TAF4B: variants seen among roughly 807,000 people sequenced by gnomAD.
TAF4B encodes the protein transcription initiation factor TFIID subunit 4B.
A neutral mutation model predicts 86.4 loss-of-function variants in TAF4B; 38 were observed. That is an observed-to-expected ratio of 0.44 (90% CI 0.34 to 0.58). TAF4B has a LOEUF of 0.58. Among genes scored for constraint, TAF4B ranks in the 20% least tolerant of loss-of-function variants. The pLI is 0.02. For synonymous variants in TAF4B, 388 were observed against 391.2 expected (o/e 0.99, Z 0.10); for missense variants, 988 against 1,027.6 (o/e 0.96, Z 0.53).
intron 14 of TAF4B, among the ~76,000 whole-genome samples, chr18:26,386,852 T>C (rs974947687): frequency 9.9e-5 from 15 of 152,210 alleles, no homozygotes; most frequent in Non-Finnish European, 2.1e-4. Context: ...TACATATCTT[T>C]TGATGAACCC....
intron 5 of TAF4B, 84 bp from the exon 6 acceptor site, chr18:26,281,887 A>C (rs1353183114): frequency 1.0e-6 from 1 of 979,662 alleles, no homozygotes; most frequent in South Asian, 1.6e-5. Flanking sequence ...AAAGTTTGCT[A>C]TGTCTACAAT....
chr18:26,279,100 G>A (rs181513080), intron 5 of TAF4B, among the ~76,000 whole-genome samples: 54 of 152,166 alleles, frequency 3.5e-4, no homozygotes, highest in Non-Finnish European at 6.3e-4. Flanking sequence ...CTTCACTGAT[G>A]ATATGATTCT....
At chr18:26,255,834 A>G in intron 1 of TAF4B, 1 of 1,392,808 alleles carries the variant, frequency 7.2e-7, no homozygotes, top group East Asian at 2.3e-5. Flanking sequence ...TTTATAGATG[A>G]TCCCACAACA....
At chr18:26,353,419 C>T in intron 13 of TAF4B, among the ~76,000 whole-genome samples, 1 of 152,172 alleles carries the variant, frequency 6.6e-6, no homozygotes, top group African/African-American at 2.4e-5. Flanking sequence ...TAAAAACTCT[C>T]AGGAATCTAA....
At chr18:26,245,517 A>G (rs1382457082) in intron 1 of TAF4B, among the ~76,000 whole-genome samples, 1 of 152,082 alleles carries the variant, frequency 6.6e-6, no homozygotes, top group Non-Finnish European at 1.5e-5. Context: ...TTTCTGTCCT[A>G]TCAGAGTGCC....
intron 14 of TAF4B, among the ~76,000 whole-genome samples, chr18:26,386,408 G>A (rs1342097566): frequency 6.6e-6 from 1 of 151,808 alleles, no homozygotes; most frequent in Non-Finnish European, 1.5e-5. Flanking sequence ...AGGTTTTTGG[G>A]GTAGCAATTT....
chr18:26,313,747 C>T (rs572864804), intron 9 of TAF4B, among the ~76,000 whole-genome samples: 1 of 152,154 alleles, frequency 6.6e-6, no homozygotes, highest in Non-Finnish European at 1.5e-5. Flanking sequence ...CTCACTGCAG[C>T]CTCTACCTCC....
At chr18:26,329,753 A>C (rs561945183) in intron 12 of TAF4B, among the ~76,000 whole-genome samples, 6 of 152,170 alleles carry the variant, frequency 3.9e-5, no homozygotes, top group African/African-American at 1.4e-4. Flanking sequence ...CAAAAGGGTC[A>C]TATTGGTACC....
intron 1 of TAF4B, among the ~76,000 whole-genome samples, chr18:26,227,481 C>T (rs932756930): frequency 3.9e-5 from 6 of 152,176 alleles, no homozygotes; most frequent in Admixed American, 1.3e-4. Flanking sequence ...CTAAGTGATA[C>T]AGTAAAAAGC....
intron 14 of TAF4B, among the ~76,000 whole-genome samples, chr18:26,374,853 A>C (rs1001698926): frequency 3.3e-5 from 5 of 152,230 alleles, no homozygotes; most frequent in African/African-American, 1.2e-4. Context: ...AAAAGTAAAC[A>C]TAAGTTGATT....
chr18:26,344,538 T>G (rs1373523773), intron 13 of TAF4B, among the ~76,000 whole-genome samples: 1 of 151,984 alleles, frequency 6.6e-6, no homozygotes, highest in East Asian at 1.9e-4. Context: ...GCCAACAGAG[T>G]TGCTGTAAGA....
chr18:26,259,791 A>G (rs1312133858), intron 1 of TAF4B, among the ~76,000 whole-genome samples: 3 of 152,208 alleles, frequency 2.0e-5, no homozygotes, highest in Non-Finnish European at 2.9e-5. Context: ...TCCTTTGGGT[A>G]TATACCCAGT....
intron 1 of TAF4B, among the ~76,000 whole-genome samples, chr18:26,244,708 C>G (rs1158967422): frequency 1.3e-5 from 2 of 152,084 alleles, no homozygotes; most frequent in African/African-American, 2.4e-5. Flanking sequence ...TGGAACCTCC[C>G]CCCGAAATTT....
chr18:26,287,921 C>T (rs1209498031), intron 7 of TAF4B, among the ~76,000 whole-genome samples: 1 of 152,202 alleles, frequency 6.6e-6, no homozygotes, highest in Non-Finnish European at 1.5e-5. Context: ...TTTCTCATCC[C>T]TTCCCACTCT....
chr18:26,283,004 C>T (rs970859608), intron 6 of TAF4B, among the ~76,000 whole-genome samples: 2 of 152,228 alleles, frequency 1.3e-5, no homozygotes, highest in African/African-American at 4.8e-5. Context: ...AACTGTGGTT[C>T]TCTTGCTATT....
chr18:26,254,353 T>TC (rs1406519479), intron 1 of TAF4B, among the ~76,000 whole-genome samples: 1 of 152,196 alleles, frequency 6.6e-6, no homozygotes, highest in Non-Finnish European at 1.5e-5. Context: ...TTCTTTTTTT[T>TC]CTCTTTTAGT....
chr18:26,357,673 TTTC>T lies in TAF4B; in HGVS notation c.2317-13_2317-11del. Reference sequence around the variant, plus strand: ...GAATGTGTATAAACATTGATATTTTTTTCTTCCGTCTTCTAGTTACAGCAATTG... The same window carrying T: ...GAATGTGTATAAACATTGATATTTTTTTCCGTCTTCTAGTTACAGCAATTG... On this transcript the variant is annotated splice_polypyrimidine_tract_variant and intron_variant, in intron 13 of 14. Coordinates refer to ENST00000269142, the MANE Select transcript of TAF4B (RefSeq NM_005640.3). The T allele has an allele frequency of 6.4e-7, 1 of 1,570,300 alleles. No individual in the cohort carries two copies. The highest frequency in any genetic ancestry group is 8.7e-7 in the Non-Finnish European group (1 of 1,147,992).
chr18:26,231,113 C>T (rs2055661599), intron 1 of TAF4B, among the ~76,000 whole-genome samples: 3 of 131,538 alleles, frequency 2.3e-5, no homozygotes, highest in Admixed American at 1.7e-4. Flanking sequence ...AATCTTGGCT[C>T]ACCACAACCT....
intron 9 of TAF4B, among the ~76,000 whole-genome samples, chr18:26,306,763 GTTAT>G (rs78568667): frequency 2.0e-3 from 309 of 151,108 alleles, no homozygotes; most frequent in African/African-American, 3.5e-3. Flanking sequence ...CATCACTTCA[GTTAT>G]TTATTTATTT....
Sources: allele counts gnomAD v4.1 joint callset (sites outside exome capture counted in the v4.1 genomes callset), GRCh38; gene constraint gnomAD v4.1.1; transcripts MANE v1.5; gene names NCBI Gene and HGNC (gene_info 2026-07-23, HGNC 2026-07-21).